Variants in DDAH1 observed in about 807,000 individuals in gnomAD.
The protein encoded by DDAH1 is N(G),N(G)-dimethylarginine dimethylaminohydrolase 1.
DDAH1 carries 19 observed loss-of-function variants against 28.8 expected under a neutral mutation model. The observed-to-expected ratio is 0.66, with a 90% CI of 0.46 to 0.97. The LOEUF is 0.97. Among genes scored for constraint, DDAH1 ranks in the 50% least tolerant of loss-of-function variants. DDAH1 has a pLI of 0.00. For missense variants in DDAH1, 326 were observed against 375.9 expected (o/e 0.87, Z 1.10); for synonymous variants, 153 against 154.4 (o/e 0.99, Z 0.07).
chr1:85,450,085 T>A (rs1039976118), intron 1 of DDAH1, among the ~76,000 whole-genome samples: 6 of 152,212 alleles, frequency 3.9e-5, no homozygotes, highest in Non-Finnish European at 7.3e-5. Flanking sequence ...GGTCTCTTAT[T>A]GACATTTTAC....
chr1:85,347,618 G>T (rs931068791), intron 4 of DDAH1, among the ~76,000 whole-genome samples: 6 of 152,088 alleles, frequency 3.9e-5, no homozygotes, highest in African/African-American at 1.4e-4. Context: ...GCCTGTCGTG[G>T]GATGGGGGAG....
chr1:85,406,555 A>C (rs1346108412), intron 1 of DDAH1, among the ~76,000 whole-genome samples: 1 of 152,154 alleles, frequency 6.6e-6, no homozygotes, highest in Non-Finnish European at 1.5e-5. Context: ...TATAGAATAT[A>C]CATTTTTAAA....
upstream of DDAH1, chr1:85,467,177 G>A (rs928527343): frequency 3.3e-5 from 5 of 152,050 alleles, no homozygotes; most frequent in African/African-American, 4.8e-5. Flanking sequence ...TTTAGCTCCC[G>A]GGTTAAATAA....
At chr1:85,509,172 C>T (rs1657136463) in intron 1 of DDAH1, among the ~76,000 whole-genome samples, 1 of 152,214 alleles carries the variant, frequency 6.6e-6, no homozygotes, top group Non-Finnish European at 1.5e-5. Flanking sequence ...TGCTGTTCTG[C>T]AGCCTATGCT....
At chr1:85,390,521 A>G (rs1651496197) in intron 1 of DDAH1, among the ~76,000 whole-genome samples, 1 of 152,176 alleles carries the variant, frequency 6.6e-6, no homozygotes, top group African/African-American at 2.4e-5. Flanking sequence ...AAACTTCTGA[A>G]TAACAAGATT....
chr1:85,371,242 G>C (rs1289029064), intron 1 of DDAH1, among the ~76,000 whole-genome samples: 3 of 152,208 alleles, frequency 2.0e-5, no homozygotes, highest in Admixed American at 6.5e-5. Context: ...GAACTTTCCA[G>C]AGGTAACAGG....
At chr1:85,500,447 C>G (rs1032705424) in intron 1 of DDAH1, among the ~76,000 whole-genome samples, 1 of 152,088 alleles carries the variant, frequency 6.6e-6, no homozygotes, top group African/African-American at 2.4e-5. Flanking sequence ...TCCCCTGGGT[C>G]TTGCGCAGAA....
intron 1 of DDAH1, among the ~76,000 whole-genome samples, chr1:85,437,565 T>G (rs190826865): frequency 1.3e-5 from 2 of 152,308 alleles, no homozygotes; most frequent in Non-Finnish European, 2.9e-5. Flanking sequence ...TTTCTCTAAC[T>G]TACTTTATTA....
intron 1 of DDAH1, among the ~76,000 whole-genome samples, chr1:85,453,978 G>A (rs1262623829): frequency 2.0e-5 from 3 of 152,172 alleles, no homozygotes; most frequent in Admixed American, 2.0e-4. Flanking sequence ...TACCCCAAGA[G>A]TGTCTGTGGT....
chr1:85,451,586 T>G (rs913625838), intron 1 of DDAH1, among the ~76,000 whole-genome samples: 1 of 151,966 alleles, frequency 6.6e-6, no homozygotes, highest in East Asian at 1.9e-4. Context: ...TCAGGGCACA[T>G]GGAAAGGAAG....
intron 4 of DDAH1, among the ~76,000 whole-genome samples, chr1:85,342,457 G>A (rs1648562199): frequency 6.6e-6 from 1 of 151,766 alleles, no homozygotes; most frequent in Non-Finnish European, 1.5e-5. Flanking sequence ...CAAGCTTCCT[G>A]TTCTCAGAAA....
intron 1 of DDAH1, among the ~76,000 whole-genome samples, chr1:85,566,500 A>G (rs1570680969): frequency 6.6e-6 from 1 of 151,730 alleles, no homozygotes; most frequent in East Asian, 1.9e-4. Flanking sequence ...TCAAAAAAAA[A>G]AAAAAAGAAA....
At chr1:85,323,992 G>A (rs898546917) in intron 5 of DDAH1, among the ~76,000 whole-genome samples, 1 of 146,448 alleles carries the variant, frequency 6.8e-6, no homozygotes, top group Non-Finnish European at 1.5e-5. Context: ...AAAAAGGACT[G>A]GGCATGGTGG....
intron 1 of DDAH1, among the ~76,000 whole-genome samples, chr1:85,500,163 C>CTTTCTCTT (rs1553142453): frequency 4.4e-3 from 223 of 50,136 alleles, no homozygotes; most frequent in African/African-American, 0.013. Context: ...TTCTTTCTTT[C>CTTTCTCTT]TCTTTTTTCC....
chr1:85,524,525 T>C (rs1448478683), intron 1 of DDAH1, among the ~76,000 whole-genome samples: 2 of 152,042 alleles, frequency 1.3e-5, no homozygotes, highest in African/African-American at 2.4e-5. Flanking sequence ...TGAAGACTCA[T>C]CTGGCTACAA....
chr1:85,514,523 G>T (rs1357500817), intron 1 of DDAH1, among the ~76,000 whole-genome samples: 1 of 37,750 alleles, frequency 2.6e-5, no homozygotes, highest in Non-Finnish European at 5.1e-5. Flanking sequence ...AGAACTTAAA[G>T]CATTAAAAAA....
chr1:85,495,089 C>T (rs1045286986), intron 2 of DDAH1: 1 of 151,556 alleles, frequency 6.6e-6, no homozygotes, highest in Non-Finnish European at 1.5e-5. Context: ...ATATTATAGC[C>T]AAATATGTCT....
chr1:85,367,824 G>T (rs1485749036), intron 1 of DDAH1, among the ~76,000 whole-genome samples: 1 of 152,264 alleles, frequency 6.6e-6, no homozygotes, highest in Middle Eastern at 3.4e-3. Context: ...GGCAGAGAGA[G>T]GGAAGCAATT....
intron 2 of DDAH1, among the ~76,000 whole-genome samples, chr1:85,483,269 CT>C (rs71582956): frequency 0.11 from 16,098 of 151,414 alleles, 1,126 homozygotes; most frequent in East Asian, 0.22. Context: ...ATTTTGTCCC[CT>C]TATTTTGACC....
Sources: gnomAD v4.1 joint callset for allele counts (sites outside exome capture counted in the v4.1 genomes callset) on GRCh38, gnomAD v4.1.1 for gene constraint, MANE v1.5 for transcripts, NCBI Gene and HGNC (gene_info 2026-07-23, HGNC 2026-07-21) for gene names.